The following CD59 variants were observed in gnomAD, a reference collection of about 807,000 sequenced individuals.
The protein encoded by CD59 is CD59 glycoprotein.
In CD59, 3 loss-of-function variants were observed where a neutral mutation model predicts 7.0. That is an observed-to-expected ratio of 0.43 (90% CI 0.19 to 1.10). The LOEUF (loss-of-function observed/expected upper bound fraction) is 1.10, where lower values mean the gene tolerates loss of function less well. Ranked by LOEUF, CD59 falls within the 50% of genes least tolerant of loss-of-function variation. The probability of loss-of-function intolerance (pLI) is 0.29; values close to 1 mark genes in which losing one functional copy is unlikely to be tolerated. For missense variants in CD59, 143 were observed against 151.0 expected (o/e 0.95, Z 0.28); for synonymous variants, 60 against 62.0 (o/e 0.97, Z 0.15).
chr11:33,723,854 G>C (rs750986682), intron 1 of CD59, among the ~76,000 whole-genome samples: 1 of 152,150 alleles, frequency 6.6e-6, no homozygotes, highest in African/African-American at 2.4e-5. Flanking sequence ...TGAGGTCCCC[G>C]AACAGAGAGC....
chr11:33,715,203 A>G (rs1265165829), intron 3 of CD59, among the ~76,000 whole-genome samples: 1 of 152,102 alleles, frequency 6.6e-6, no homozygotes, highest in Non-Finnish European at 1.5e-5. Context: ...TTATCAAAAT[A>G]TCAAGTATTA....
chr11:33,710,762 C>G (rs926129589), intron 3 of CD59, among the ~76,000 whole-genome samples: 14 of 150,504 alleles, frequency 9.3e-5, no homozygotes, highest in African/African-American at 3.2e-4. Context: ...ACTTTCTTGC[C>G]CGGTCATCTG....
intron 1 of CD59, among the ~76,000 whole-genome samples, chr11:33,727,281 C>G (rs1434559933): frequency 1.3e-5 from 2 of 152,168 alleles, no homozygotes; most frequent in African/African-American, 4.8e-5. Flanking sequence ...CAATAAAATA[C>G]TGGCAAACTG....
At chr11:33,724,998 G>T (rs1352020706) in intron 1 of CD59, among the ~76,000 whole-genome samples, 1 of 152,028 alleles carries the variant, frequency 6.6e-6, no homozygotes, top group East Asian at 1.9e-4. Context: ...AGGAGGGCGG[G>T]AGGCAGAAAA....
Position 33,709,832 on chromosome 11 carries a change from CAAGCTGTCACTGCA to C in CD59, c.*280_*293del. The stretch of plus-strand genomic sequence containing the variant: ...ATCTGAGGGCTGCAGAGAACCCACT[CAAGCTGTCACTGCA>C]AAGCTGGTCTTCCCAAGAGCAAAGG... On this transcript the variant is annotated 3_prime_UTR_variant, in exon 4 of 4. Coordinates refer to ENST00000642928, the MANE Select transcript of CD59 (RefSeq NM_000611.6). 1.1e-5 allele frequency: 6 copies of C among 527,772 alleles called. No individual in the cohort carries two copies. The South Asian group carries it at 1.2e-4, about 11-fold the overall frequency. The allele number at this position is 527,772 out of a possible 1,614,324, so 32.7% of individuals were successfully genotyped here. A position where few individuals can be genotyped will look rare whatever the true frequency, so the allele number is the denominator to read the frequency against.
At position 33,705,118 on chromosome 11, in the gene CD59, G is replaced by T. The variant is rs1853258014; in HGVS notation, c.*5008C>A. On this transcript the variant is annotated 3_prime_UTR_variant, in exon 4 of 4. Transcript: ENST00000642928. Reference sequence around the variant, plus strand: ...GAGTACAGAGGCCTGGAAGATGAGGGAGCTGGGTTTAAGCCCCATCAACCG... The same window carrying T: ...GAGTACAGAGGCCTGGAAGATGAGGTAGCTGGGTTTAAGCCCCATCAACCG... 1 of 152,182 alleles carries T rather than the reference G, an allele frequency of 6.6e-6. No individual in the cohort carries two copies. The highest frequency in any genetic ancestry group is 1.5e-5 in the Non-Finnish European group (1 of 68,044). The allele number at this position is 152,182 out of a possible 1,614,324, so 9.4% of individuals were successfully genotyped here.
chr11:33,708,309 AGG>A lies in CD59; in HGVS notation c.*1815_*1816del, dbSNP rs1344510656. ...TAGTGGCACTCAGATTTTGCTTTAG[AGG>A]ACTACCTTCTTCCCAGTGTAGTCTG... On this transcript the variant is annotated 3_prime_UTR_variant, in exon 4 of 4. Transcript: ENST00000642928. 6.6e-6 allele frequency: 1 copy of A among 152,112 alleles called. No homozygotes were observed. Among genetic ancestry groups the A allele is most frequent in the Non-Finnish European group, 1.5e-5 (1 of 68,044 alleles). The allele number at this position is 152,112 out of a possible 1,614,324, so 9.4% of individuals were successfully genotyped here.
intron 3 of CD59, among the ~76,000 whole-genome samples, chr11:33,716,187 T>C (rs7117382): frequency 0.27 from 40,879 of 152,178 alleles, 5,844 homozygotes; most frequent in Middle Eastern, 0.34. Flanking sequence ...AGCTAAACTA[T>C]ATCAAATTTA....
At chr11:33,722,607 C>T in intron 1 of CD59, 144 bp from the exon 2 acceptor site, 1 of 1,512,562 alleles carries the variant, frequency 6.6e-7, no homozygotes, top group Non-Finnish European at 8.9e-7. Context: ...CTGGGCCATG[C>T]CCCAGCTCTG....
At chr11:33,723,242 T>A (rs1854147764) in intron 1 of CD59, among the ~76,000 whole-genome samples, 1 of 152,086 alleles carries the variant, frequency 6.6e-6, no homozygotes, top group Non-Finnish European at 1.5e-5. Flanking sequence ...TAAACCAGGG[T>A]ACTCCATATT....
intron 1 of CD59, among the ~76,000 whole-genome samples, chr11:33,732,528 T>C (rs1854450146): frequency 6.6e-6 from 1 of 152,220 alleles, no homozygotes; most frequent in African/African-American, 2.4e-5. Flanking sequence ...CTTTTCTTTA[T>C]AAATTACCCA....
chr11:33,717,796 A>G, intron 2 of CD59: 1 of 357,666 alleles, frequency 2.8e-6, no homozygotes, highest in South Asian at 2.3e-5. Context: ...AGAAACAAAC[A>G]GAATTCTATA....
At chr11:33,722,507 A>G in intron 1 of CD59, 44 bp from the exon 2 acceptor site, 1 of 1,608,708 alleles carries the variant, frequency 6.2e-7, no homozygotes, top group Non-Finnish European at 8.5e-7. Context: ...CGAACAAATG[A>G]CTGCTGGTTG....
rs1253368769 is a variant in CD59 at position 33,709,212 on chromosome 11, T to C, written c.*914A>G. 3 of 152,240 alleles carry C rather than the reference T, an allele frequency of 2.0e-5. No individual in the cohort carries two copies. Among genetic ancestry groups the C allele is most frequent in the Non-Finnish European group, 4.4e-5 (3 of 68,060 alleles). 9.4% of individuals were successfully genotyped at this position (152,240 alleles called of 1,614,324 possible). A position where few individuals can be genotyped will look rare whatever the true frequency, so the allele number is the denominator to read the frequency against. On this transcript the variant is annotated 3_prime_UTR_variant, in exon 4 of 4. Transcript: ENST00000642928. ...GGTAAAACATACCCCTGCAGATCTG[T>C]TGTTATTAAGGATGACCTTTGGAAG...
intron 1 of CD59, among the ~76,000 whole-genome samples, chr11:33,726,946 C>A (rs771007172): frequency 3.6e-3 from 544 of 152,292 alleles, no homozygotes; most frequent in Non-Finnish European, 6.4e-3. Context: ...AATTCCTGGG[C>A]ACATACACCC....
At chr11:33,717,973 G>C (rs773361301) in intron 2 of CD59, 1 of 189,446 alleles carries the variant, frequency 5.3e-6, no homozygotes, top group Middle Eastern at 2.3e-3. Context: ...GATTTGATGC[G>C]AGGGAACACT....
chr11:33,721,308 G>A (rs1379590967), intron 2 of CD59, among the ~76,000 whole-genome samples: 4 of 152,164 alleles, frequency 2.6e-5, no homozygotes, highest in Non-Finnish European at 5.9e-5. Context: ...TTCCTCAGCT[G>A]TAATATGGGA....
Sources: allele counts gnomAD v4.1 joint callset (sites outside exome capture counted in the v4.1 genomes callset), GRCh38; gene constraint gnomAD v4.1.1; transcripts MANE v1.5; gene names NCBI Gene and HGNC (gene_info 2026-07-23, HGNC 2026-07-21).